Variants in ADCY8 observed in about 807,000 individuals in gnomAD.
ADCY8 encodes the protein adenylate cyclase type 8.
A neutral mutation model predicts 119.7 loss-of-function variants in ADCY8; 51 were observed. That is an observed-to-expected ratio of 0.43 (90% CI 0.34 to 0.54). The LOEUF is 0.54. Among genes scored for constraint, ADCY8 ranks in the 20% least tolerant of loss-of-function variants. The pLI is 0.03. For synonymous variants in ADCY8, 665 were observed against 651.0 expected (o/e 1.02, Z -0.33); for missense variants, 1,383 against 1,598.8 (o/e 0.87, Z 2.30).
chr8:131,021,117 G>A (rs904803438), intron 1 of ADCY8, among the ~76,000 whole-genome samples: 7 of 152,136 alleles, frequency 4.6e-5, no homozygotes, highest in Admixed American at 4.6e-4. Context: ...TACAGCATGA[G>A]TATATTTTGC....
intron 1 of ADCY8, among the ~76,000 whole-genome samples, chr8:131,032,712 C>CT (rs1292442753): frequency 6.6e-6 from 1 of 152,168 alleles, no homozygotes; most frequent in East Asian, 1.9e-4. Context: ...CGAAGCACTG[C>CT]TTAAGTGACC....
intron 4 of ADCY8, among the ~76,000 whole-genome samples, chr8:130,940,478 A>G (rs1318231029): frequency 9.9e-5 from 15 of 152,016 alleles, no homozygotes; most frequent in Non-Finnish European, 1.5e-5. Context: ...ACATGGTTGT[A>G]TATACGCATA....
At chr8:130,850,579 C>G (rs545523899) in intron 9 of ADCY8, among the ~76,000 whole-genome samples, 1 of 152,174 alleles carries the variant, frequency 6.6e-6, no homozygotes, top group Admixed American at 6.5e-5. Flanking sequence ...ATGTTCTACA[C>G]TGGCAGCTCT....
intron 1 of ADCY8, among the ~76,000 whole-genome samples, chr8:131,034,749 G>A (rs1824098625): frequency 6.6e-6 from 1 of 152,082 alleles, no homozygotes; most frequent in African/African-American, 2.4e-5. Flanking sequence ...TCACCAAGAG[G>A]CACAGAAAAC....
At chr8:130,873,492 G>A (rs928348292) in intron 8 of ADCY8, among the ~76,000 whole-genome samples, 1 of 151,960 alleles carries the variant, frequency 6.6e-6, no homozygotes, top group Non-Finnish European at 1.5e-5. Context: ...CTAATTTTTT[G>A]TATTTTTAGT....
At position 131,040,230 on chromosome 8, in the gene ADCY8, C is replaced by T; in HGVS notation, c.104G>A (p.Arg35Gln). ...GDGRSASRPQ[R>Q]LLWQTAVRHI... is the part of the protein sequence containing the mutation. ...TCGCACCGCCGTCTGCCACAGCAGCCGCTGCGGCCGGGAGGCGCTCCTGCC... is the reference window on the plus strand; with the variant it reads ...TCGCACCGCCGTCTGCCACAGCAGCTGCTGCGGCCGGGAGGCGCTCCTGCC... Residue 35 changes from arginine (R) to glutamine (Q), a missense_variant, in exon 1 of 18, where the codon CGG becomes CAG. Transcript: ENST00000286355. 6.5e-7 allele frequency: 1 copy of T among 1,542,236 alleles called. No homozygotes were observed. Among genetic ancestry groups the T allele is most frequent in the Non-Finnish European group, 8.7e-7 (1 of 1,150,492 alleles).
At position 130,780,551 on chromosome 8, in the gene ADCY8, G is replaced by A; in HGVS notation, c.3595C>T (p.Leu1199Phe). ...QYSLAAVVLG[L>F]VQSLNRQRQK... ...CTTTGCCTATTGAGGGACTGGACAA[G>A]TCCCAGGACAACCGCGGCCAGGGAG... Residue 1199 changes from leucine (L) to phenylalanine (F), a missense_variant, in exon 18 of 18, where the codon CTT (leucine) becomes TTT (phenylalanine). This residue lies in a region of ADCY8 where 928 missense variants were observed against 1,163.5 expected (regional missense o/e 0.80). Coordinates refer to ENST00000286355, the MANE Select transcript of ADCY8 (RefSeq NM_001115.3). The A allele has an allele frequency of 6.2e-7, 1 of 1,614,180 alleles. No individual in the cohort carries two copies. Among genetic ancestry groups the A allele is most frequent in the Non-Finnish European group, 8.5e-7 (1 of 1,180,018 alleles).
rs141789225 is a variant in ADCY8, at chr8:131,023,723, T to C, written c.960+15651A>G. On this transcript the variant is annotated intron_variant, in intron 1 of 17. Transcript: ENST00000286355. ...TTTGATATTGAGATAAGTTCCCAGT[T>C]TGAAATCTGCACATGTGCATGAGAT... is the stretch of plus-strand genomic sequence containing the variant. Among the ~76,000 whole-genome samples the C allele has an allele frequency of 5.7e-3, 868 of 152,308 alleles. 4 individuals carry two copies. Among genetic ancestry groups the C allele is most frequent in the Non-Finnish European group, 8.5e-3 (577 of 68,026 alleles).
intron 6 of ADCY8, among the ~76,000 whole-genome samples, chr8:130,909,272 G>T (rs749813338): frequency 6.6e-5 from 10 of 152,190 alleles, no homozygotes; most frequent in Non-Finnish European, 1.5e-5. Context: ...TTCTAAGGAA[G>T]AGCCTGATTT....
rs1815740321 is a variant in ADCY8, at chr8:130,800,460, C to T, written c.3026G>A (p.Arg1009His). The change falls in exon 15 of 18, where the codon CGC becomes CAC. Residue 1009 changes from arginine to histidine, a missense_variant. Physicochemically the swap from Arg to His is conservative, Grantham distance 29 (BLOSUM62 0). Transcript: ENST00000286355. ...EMNNQGVECL[R>H]LLNEIIADFD... is the part of the protein sequence containing the mutation. ...GTCAGCAATGATCTCATTGAGCAAG[C>T]GCAGGCATTCCACTCCCTGGTTATT... 10 of 1,614,154 alleles carry T rather than the reference C, an allele frequency of 6.2e-6. No individual in the cohort carries two copies. Among genetic ancestry groups the T allele is most frequent in the South Asian group, 1.1e-5 (1 of 91,070 alleles).
intron 15 of ADCY8, among the ~76,000 whole-genome samples, chr8:130,786,969 G>T (rs958749210): frequency 1.3e-5 from 2 of 152,064 alleles, no homozygotes; most frequent in East Asian, 1.9e-4. Context: ...CATAGATGAG[G>T]TCTGGAAGTT....
At chr8:130,989,145 T>G (rs1461603034) in intron 2 of ADCY8, among the ~76,000 whole-genome samples, 2 of 152,250 alleles carry the variant, frequency 1.3e-5, no homozygotes, top group Non-Finnish European at 2.9e-5. Context: ...GAAACTACTA[T>G]GAGGTTCCAG....
chr8:130,859,725 G>A (rs12549142), intron 9 of ADCY8, among the ~76,000 whole-genome samples: 74,637 of 151,992 alleles, frequency 0.49, 19,067 homozygotes, highest in African/African-American at 0.62. Context: ...ATAAATGCAT[G>A]GTGTCAGGTA....
At chr8:130,798,496 T>A (rs957303419) in intron 15 of ADCY8, among the ~76,000 whole-genome samples, 1 of 152,092 alleles carries the variant, frequency 6.6e-6, no homozygotes, top group Non-Finnish European at 1.5e-5. Context: ...AGTTAGGTGG[T>A]GCTGGCCAGG....
chr8:130,907,060 A>G (rs546104457), intron 6 of ADCY8, among the ~76,000 whole-genome samples: 60 of 152,226 alleles, frequency 3.9e-4, no homozygotes, highest in African/African-American at 1.4e-3. Flanking sequence ...AACTACTACC[A>G]GCACAACCAC....
At chr8:130,877,344 A>G (rs937446189) in intron 8 of ADCY8, among the ~76,000 whole-genome samples, 8 of 152,176 alleles carry the variant, frequency 5.3e-5, no homozygotes, top group Admixed American at 5.2e-4. Flanking sequence ...TTCCTATATC[A>G]TCTCAGTATA....
chr8:130,937,349 C>A, intron 4 of ADCY8, 149 bp from the exon 5 acceptor site: 1 of 825,640 alleles, frequency 1.2e-6, no homozygotes, highest in South Asian at 2.4e-5. Flanking sequence ...ACCTGTCTTT[C>A]TAAAATATTT....
intron 2 of ADCY8, among the ~76,000 whole-genome samples, chr8:130,952,913 C>T (rs1290205236): frequency 6.6e-6 from 1 of 152,214 alleles, no homozygotes; most frequent in Non-Finnish European, 1.5e-5. Context: ...GCTTACAAGG[C>T]ACTAGCTCTT....
At position 130,943,140 on chromosome 8, in the gene ADCY8, T is replaced by C. The variant is rs948034860; in HGVS notation, c.1353+211A>G. ...TGTCACTCAACCAGCCGTCTCTCAATTGAGAAAATTAATCTGACAAACCTC... is the reference window on the plus strand; with the variant it reads ...TGTCACTCAACCAGCCGTCTCTCAACTGAGAAAATTAATCTGACAAACCTC... On this transcript the variant is annotated intron_variant, in intron 4 of 17. Transcript: ENST00000286355. Among the ~76,000 whole-genome samples, 26 of 152,142 alleles carry C rather than the reference T, an allele frequency of 1.7e-4. 1 individual carries two copies. The highest frequency in any genetic ancestry group is 2.6e-4 in the Non-Finnish European group (18 of 68,030).
Sources: gnomAD v4.1 joint callset for allele counts (sites outside exome capture counted in the v4.1 genomes callset) on GRCh38, gnomAD v4.1.1 for gene constraint, gnomAD v4.1.1 regional missense constraint, MANE v1.5 for transcripts, NCBI Gene and HGNC (gene_info 2026-07-23, HGNC 2026-07-21) for gene names.